LRP1B: variants seen among roughly 807,000 people sequenced by gnomAD.
LRP1B encodes the protein LDL receptor related protein 1B, also known as low-density lipoprotein receptor-related protein 1B.
LRP1B carries 217 observed loss-of-function variants against 556.6 expected under a neutral mutation model. That is an observed-to-expected ratio of 0.39 (90% CI 0.35 to 0.44). LRP1B has a LOEUF of 0.44. Among genes scored for constraint, LRP1B ranks in the 20% least tolerant of loss-of-function variants. The probability of loss-of-function intolerance (pLI) is 1.00; values close to 1 mark genes in which losing one functional copy is unlikely to be tolerated. For missense variants in LRP1B, 5,053 were observed against 5,620.8 expected (o/e 0.90, Z 3.23); for synonymous variants, 2,047 against 1,865.8 (o/e 1.10, Z -2.50).
At chr2:140,616,516 G>GA (rs947433679) in intron 41 of LRP1B, among the ~76,000 whole-genome samples, 1 of 147,058 alleles carries the variant, frequency 6.8e-6, no homozygotes, top group Non-Finnish European at 1.5e-5. Flanking sequence ...AAGCTGGAGT[G>GA]AAAAAAAGTC....
intron 2 of LRP1B, among the ~76,000 whole-genome samples, chr2:141,569,095 G>A (rs1686440453): frequency 6.6e-6 from 1 of 151,034 alleles, no homozygotes; most frequent in South Asian, 2.1e-4. Flanking sequence ...CCAAATGTAT[G>A]TAAGGCACTA....
intron 35 of LRP1B, among the ~76,000 whole-genome samples, chr2:140,766,838 T>C (rs1689127095): frequency 5.4e-5 from 1 of 18,664 alleles, no homozygotes; most frequent in Non-Finnish European, 2.0e-4. Context: ...TATATATATA[T>C]ATATATTATA....
chr2:140,654,059 A>C (rs1438705467), intron 41 of LRP1B, among the ~76,000 whole-genome samples: 1 of 147,168 alleles, frequency 6.8e-6, no homozygotes, highest in Non-Finnish European at 1.5e-5. Context: ...AAAGAGAGAG[A>C]GTTTAACTAC....
intron 60 of LRP1B, among the ~76,000 whole-genome samples, chr2:140,459,861 T>A (rs902207640): frequency 1.3e-5 from 2 of 152,086 alleles, no homozygotes; most frequent in African/African-American, 2.4e-5. Context: ...TGTGTAGCAC[T>A]TCCCCCCTAC....
intron 2 of LRP1B, among the ~76,000 whole-genome samples, chr2:141,716,756 G>A (rs1692609277): frequency 6.6e-6 from 1 of 152,134 alleles, no homozygotes; most frequent in South Asian, 2.1e-4. Flanking sequence ...GTGACTAAAA[G>A]CAATAACGTG....
intron 31 of LRP1B, among the ~76,000 whole-genome samples, chr2:140,835,461 C>T (rs76384005): frequency 0.061 from 9,341 of 152,244 alleles, 364 homozygotes; most frequent in African/African-American, 0.1. Context: ...CCATAACCTG[C>T]CGCCAGGCTC....
chr2:140,879,425 T>C (rs1693406345), intron 25 of LRP1B, among the ~76,000 whole-genome samples: 1 of 152,172 alleles, frequency 6.6e-6, no homozygotes, highest in African/African-American at 2.4e-5. Flanking sequence ...TATACTTCTA[T>C]GGTGATCACT....
chr2:142,102,122 T>C (rs775597177), intron 1 of LRP1B, among the ~76,000 whole-genome samples: 9 of 152,032 alleles, frequency 5.9e-5, no homozygotes, highest in Non-Finnish European at 1.2e-4. Context: ...ATCTGAATTC[T>C]AGTCTCTCTC....
intron 2 of LRP1B, among the ~76,000 whole-genome samples, chr2:141,761,544 G>T (rs554461763): frequency 6.6e-6 from 1 of 151,884 alleles, no homozygotes; most frequent in Non-Finnish European, 1.5e-5. Context: ...TGATACAAAG[G>T]AAAAGCTTGA....
At chr2:141,335,877 A>G (rs1240624384) in intron 3 of LRP1B, among the ~76,000 whole-genome samples, 6 of 152,110 alleles carry the variant, frequency 3.9e-5, no homozygotes, top group Non-Finnish European at 5.9e-5. Context: ...GACCTAAATC[A>G]AAACAGTGTT....
chr2:141,243,817 A>G (rs1187996681), intron 5 of LRP1B, among the ~76,000 whole-genome samples: 7 of 152,282 alleles, frequency 4.6e-5, no homozygotes, highest in Non-Finnish European at 1.0e-4. Context: ...ATTTGTCTGC[A>G]TTACATGAAT....
At chr2:141,355,658 T>G (rs1688601510) in intron 3 of LRP1B, among the ~76,000 whole-genome samples, 1 of 152,004 alleles carries the variant, frequency 6.6e-6, no homozygotes, top group African/African-American at 2.4e-5. Context: ...TCAAGATAAA[T>G]TAAAAATTAA....
intron 2 of LRP1B, among the ~76,000 whole-genome samples, chr2:141,723,869 T>C (rs542362481): frequency 6.6e-6 from 1 of 151,870 alleles, no homozygotes; most frequent in African/African-American, 2.4e-5. Flanking sequence ...AAAATATATA[T>C]ATATATATTC....
chr2:141,770,062 G>C (rs1426310906), intron 2 of LRP1B, among the ~76,000 whole-genome samples: 2 of 152,088 alleles, frequency 1.3e-5, no homozygotes, highest in African/African-American at 4.8e-5. Context: ...AGGAAATTCG[G>C]TCCTAAAACA....
intron 1 of LRP1B, among the ~76,000 whole-genome samples, chr2:141,941,448 A>G (rs918229830): frequency 6.6e-6 from 1 of 152,238 alleles, no homozygotes; most frequent in Admixed American, 6.5e-5. Context: ...CTTACAGCAG[A>G]GCCTCCTGCT....
chr2:141,842,392 C>G (rs1697506744), intron 1 of LRP1B, among the ~76,000 whole-genome samples: 1 of 151,966 alleles, frequency 6.6e-6, no homozygotes, highest in South Asian at 2.1e-4. Flanking sequence ...ATCTTAACCT[C>G]TTTTCAACTA....
intron 7 of LRP1B, among the ~76,000 whole-genome samples, chr2:141,079,460 G>A (rs997231729): frequency 6.6e-6 from 1 of 152,166 alleles, no homozygotes; most frequent in African/African-American, 2.4e-5. Flanking sequence ...AAGGATAATA[G>A]CACACCCAAG....
intron 1 of LRP1B, among the ~76,000 whole-genome samples, chr2:141,944,295 G>T (rs1418967412): frequency 2.0e-5 from 3 of 152,134 alleles, no homozygotes; most frequent in Non-Finnish European, 4.4e-5. Flanking sequence ...GACAGGAAAC[G>T]CTCCGTGTTG....
At chr2:141,437,094 C>T (rs148553600) in intron 3 of LRP1B, among the ~76,000 whole-genome samples, 566 of 152,202 alleles carry the variant, frequency 3.7e-3, no homozygotes, top group Non-Finnish European at 6.5e-3. Context: ...AAAGCACACC[C>T]AGGCTATTTA....
Sources: allele counts gnomAD v4.1 joint callset (sites outside exome capture counted in the v4.1 genomes callset), GRCh38; gene constraint gnomAD v4.1.1; transcripts MANE v1.5; gene names NCBI Gene and HGNC (gene_info 2026-07-23, HGNC 2026-07-21).